MSH3: variants seen among roughly 807,000 people sequenced by gnomAD.
MSH3 encodes DNA mismatch repair protein Msh3.
A neutral mutation model predicts 123.3 loss-of-function variants in MSH3; 106 were observed. The ratio of observed to expected loss-of-function variants is 0.86; its 90% CI spans 0.73 to 1.01. The LOEUF (loss-of-function observed/expected upper bound fraction) is 1.01, where lower values mean the gene tolerates loss of function less well. Among genes scored for constraint, MSH3 ranks in the 50% least tolerant of loss-of-function variants. The probability of loss-of-function intolerance (pLI) is 0.00; values close to 1 mark genes in which losing one functional copy is unlikely to be tolerated. For synonymous variants in MSH3, 515 were observed against 481.4 expected (o/e 1.07, Z -0.91); for missense variants, 1,459 against 1,347.6 (o/e 1.08, Z -1.29).
At chr5:80,734,775 T>C (rs1187982896) in intron 10 of MSH3, among the ~76,000 whole-genome samples, 1 of 152,176 alleles carries the variant, frequency 6.6e-6, no homozygotes, top group African/African-American at 2.4e-5. Context: ...TCTGGAGCTG[T>C]ATGTGCAGCT....
chr5:80,682,050 T>A (rs1198840065), intron 8 of MSH3, among the ~76,000 whole-genome samples: 3 of 152,252 alleles, frequency 2.0e-5, no homozygotes, highest in Middle Eastern at 3.2e-3. Flanking sequence ...TTGTATCCTT[T>A]GATCATTTTC....
At chr5:80,672,219 G>A (rs1749738655) in intron 4 of MSH3, 25 bp from the exon 5 acceptor site, 1 of 1,444,038 alleles carries the variant, frequency 6.9e-7, no homozygotes, top group African/African-American at 1.4e-5. Context: ...TAAATTTATT[G>A]ATATTTTCTT....
At chr5:80,775,781 T>G (rs1580042160) in intron 16 of MSH3, 23 bp downstream of exon 16, 1 of 1,347,682 alleles carries the variant, frequency 7.4e-7, no homozygotes, top group South Asian at 1.2e-5. Flanking sequence ...TAAATTTTTT[T>G]CTTACAATGC....
At chr5:80,724,339 A>T (rs1325858015) in intron 8 of MSH3, among the ~76,000 whole-genome samples, 1 of 150,968 alleles carries the variant, frequency 6.6e-6, no homozygotes, top group Non-Finnish European at 1.5e-5. Flanking sequence ...CAAGACACAG[A>T]AATATGTTTA....
intron 9 of MSH3, among the ~76,000 whole-genome samples, chr5:80,727,033 G>A (rs541761955): frequency 5.4e-4 from 83 of 152,314 alleles, no homozygotes; most frequent in African/African-American, 1.9e-3. Flanking sequence ...GCGCCACCCT[G>A]GCTTAGAAGC....
intron 19 of MSH3, among the ~76,000 whole-genome samples, chr5:80,807,827 T>A (rs1561484820): frequency 6.6e-6 from 1 of 152,208 alleles, no homozygotes; most frequent in Non-Finnish European, 1.5e-5. Flanking sequence ...AGACCGGGGC[T>A]ATTACACCAA....
intron 8 of MSH3, among the ~76,000 whole-genome samples, chr5:80,686,427 C>T (rs142461157): frequency 0.025 from 3,788 of 151,268 alleles, 161 homozygotes; most frequent in African/African-American, 0.086. Flanking sequence ...CTCAGCCTCC[C>T]GAGTAGCTGG....
chr5:80,783,716 GA>G (rs773082369), intron 17 of MSH3, among the ~76,000 whole-genome samples: 15 of 152,246 alleles, frequency 9.9e-5, no homozygotes, highest in Admixed American at 5.9e-4. Context: ...GAGAAGGAAG[GA>G]AAGAGTGAGA....
At chr5:80,806,120 C>T (rs563108542) in intron 19 of MSH3, among the ~76,000 whole-genome samples, 3 of 152,136 alleles carry the variant, frequency 2.0e-5, no homozygotes, top group South Asian at 2.1e-4. Flanking sequence ...TCTTTTGAGA[C>T]GGAGTTTCAC....
At position 80,665,352 on chromosome 5, in the gene MSH3, A is replaced by C; in HGVS notation, c.568A>C (p.Ile190Leu). 1 of 1,611,458 alleles carries C rather than the reference A, an allele frequency of 6.2e-7. No individual in the cohort carries two copies. Among genetic ancestry groups the C allele is most frequent in the East Asian group, 2.2e-5 (1 of 44,860 alleles). ...AVSSEDSKRQ[I>L]NQKDTTLFDL... is the part of the protein sequence containing the mutation. ...TTCTTCTGAAGATTCGAAACGTCAA[A>C]TTAATCAAAAGGTATGTAACTGCTA... The change falls in exon 3 of 24, where the codon ATT (isoleucine) becomes CTT (leucine). Residue 190 changes from isoleucine (I) to leucine (L), a missense_variant. Transcript: ENST00000265081.
chr5:80,702,177 C>T (rs1485860953), intron 8 of MSH3, among the ~76,000 whole-genome samples: 2 of 152,136 alleles, frequency 1.3e-5, no homozygotes, highest in East Asian at 3.9e-4. Context: ...TGCTCCGTGA[C>T]CAGGTCCTAG....
At position 80,768,978 on chromosome 5, in the gene MSH3, A is replaced by G. The variant is rs1744171476; in HGVS notation, c.2228A>G (p.Gln743Arg). The G allele has an allele frequency of 1.9e-6, 3 of 1,612,904 alleles. No individual in the cohort carries two copies. The highest frequency in any genetic ancestry group is 2.7e-5 in the African/African-American group (2 of 74,898). Residue 743 changes from glutamine (Q) to arginine (R), a missense_variant, in exon 15 of 24, where the codon CAA (glutamine) becomes CGA (arginine). Coordinates refer to ENST00000265081, the MANE Select transcript of MSH3 (RefSeq NM_002439.5). ...IRKILKNPSAQYVTVSGQEFM... is the reference protein window; with the variant it reads ...IRKILKNPSARYVTVSGQEFM... ...AAAATACTAAAAAATCCTTCTGCAC[A>G]ATATGTGACAGTATCAGGACAGGAG...
At chr5:80,848,532 A>T (rs1037730191) in intron 20 of MSH3, among the ~76,000 whole-genome samples, 1 of 152,242 alleles carries the variant, frequency 6.6e-6, no homozygotes, top group African/African-American at 2.4e-5. Flanking sequence ...TTGGACTTAC[A>T]GTTCCACATG....
intron 21 of MSH3, among the ~76,000 whole-genome samples, chr5:80,857,994 T>C (rs551615074): frequency 2.4e-4 from 36 of 152,216 alleles, no homozygotes; most frequent in Non-Finnish European, 5.0e-4. Flanking sequence ...TTGTTCTTTT[T>C]TTCTAATGTG....
At chr5:80,761,020 GATA>G (rs1266495725) in intron 12 of MSH3, among the ~76,000 whole-genome samples, 2 of 152,142 alleles carry the variant, frequency 1.3e-5, no homozygotes, top group Non-Finnish European at 2.9e-5. Flanking sequence ...CTTTGATTCA[GATA>G]ATAATAAGAG....
intron 19 of MSH3, among the ~76,000 whole-genome samples, chr5:80,804,685 C>T (rs1427809498): frequency 6.6e-6 from 1 of 152,186 alleles, no homozygotes; most frequent in African/African-American, 2.4e-5. Flanking sequence ...GACTCAAGCA[C>T]CTCTGTGACC....
intron 20 of MSH3, among the ~76,000 whole-genome samples, chr5:80,833,377 C>G (rs1745453067): frequency 1.3e-5 from 2 of 152,282 alleles, no homozygotes; most frequent in African/African-American, 4.8e-5. Context: ...ATTTTAACAT[C>G]ATTGTCTAGT....
rs1044280383 is a variant in MSH3 at position 80,809,551 on chromosome 5, A to G, written c.2656-4033A>G. ...GATTTAAAAACATTTCTATTTCTGC[A>G]TTTCCATTGGTCCCTCTCATGTGCT... On this transcript the variant is annotated intron_variant, in intron 19 of 23. Coordinates refer to ENST00000265081, the MANE Select transcript of MSH3 (RefSeq NM_002439.5). 2.0e-5 allele frequency among the ~76,000 whole-genome samples: 3 copies of G among 152,200 alleles called. No individual in the cohort carries two copies. In the South Asian group the frequency reaches 6.2e-4, roughly 32 times the overall value.
intron 17 of MSH3, among the ~76,000 whole-genome samples, chr5:80,786,082 T>C (rs1192010625): frequency 6.6e-6 from 1 of 151,962 alleles, no homozygotes; most frequent in Non-Finnish European, 1.5e-5. Context: ...GCATGGCACA[T>C]GTATACATAT....
Sources: allele counts gnomAD v4.1 joint callset (sites outside exome capture counted in the v4.1 genomes callset), GRCh38; gene constraint gnomAD v4.1.1; transcripts MANE v1.5; gene names NCBI Gene and HGNC (gene_info 2026-07-23, HGNC 2026-07-21).